PMFBP1: variants seen among roughly 807,000 people sequenced by gnomAD.
PMFBP1 encodes the protein polyamine modulated factor 1 binding protein 1.
PMFBP1 carries 131 observed loss-of-function variants against 137.8 expected under a neutral mutation model. The ratio of observed to expected loss-of-function variants is 0.95; its 90% CI spans 0.82 to 1.10. PMFBP1 has a LOEUF of 1.10. PMFBP1 is among the 50% of genes least tolerant of loss of function. PMFBP1 has a pLI of 0.00. For missense variants in PMFBP1, 1,199 were observed against 1,175.4 expected (o/e 1.02, Z -0.29); for synonymous variants, 490 against 450.4 (o/e 1.09, Z -1.11).
intron 5 of PMFBP1, among the ~76,000 whole-genome samples, chr16:72,141,631 CTTG>C (rs2042724304): frequency 6.6e-6 from 1 of 152,024 alleles, no homozygotes; most frequent in Non-Finnish European, 1.5e-5. Flanking sequence ...GTGCTTCTAT[CTTG>C]TTCTTTTAAA....
At chr16:72,154,061 A>T in intron 4 of PMFBP1, 150 bp downstream of exon 4, 4 of 1,078,176 alleles carry the variant, frequency 3.7e-6, no homozygotes, top group Non-Finnish European at 5.3e-6. Context: ...AGCTTCAAAA[A>T]GATCAAGAAT....
chr16:72,197,445 G>T, the PMFBP1 span, among the ~76,000 whole-genome samples: 1 of 152,232 alleles, frequency 6.6e-6, no homozygotes, highest in African/African-American at 2.4e-5. Context: ...AAGCCAGCAG[G>T]CATATACACA....
chr16:72,136,645 T>A (rs1302006527), intron 8 of PMFBP1, 40 bp from the exon 9 acceptor site: 4 of 1,613,484 alleles, frequency 2.5e-6, no homozygotes, highest in East Asian at 2.2e-5. Flanking sequence ...CAGGGGAGAG[T>A]TAGGCTTCCT....
chr16:72,215,411 A>G, the PMFBP1 span, among the ~76,000 whole-genome samples: 1 of 151,030 alleles, frequency 6.6e-6, no homozygotes, highest in East Asian at 1.9e-4. Flanking sequence ...AATAGCCATT[A>G]GTCTGACAGC....
At chr16:72,170,355 T>G (rs938547733) in intron 2 of PMFBP1, among the ~76,000 whole-genome samples, 1 of 152,224 alleles carries the variant, frequency 6.6e-6, no homozygotes, top group Middle Eastern at 3.4e-3. Flanking sequence ...ATATGGTACA[T>G]GGGACAATCC....
At chr16:72,133,522 T>G (rs1456805676) in intron 9 of PMFBP1, among the ~76,000 whole-genome samples, 1 of 151,924 alleles carries the variant, frequency 6.6e-6, no homozygotes, top group African/African-American at 2.4e-5. Flanking sequence ...GCACTCTCAC[T>G]CTGTTGCTCA....
chr16:72,140,707 G>T, intron 5 of PMFBP1, 125 bp from the exon 6 acceptor site: 5 of 922,376 alleles, frequency 5.4e-6, no homozygotes, highest in East Asian at 2.5e-5. Flanking sequence ...GGAAATCATG[G>T]TTTCCTTAAC....
the PMFBP1 span, among the ~76,000 whole-genome samples, chr16:72,213,595 C>T: frequency 6.6e-6 from 1 of 152,210 alleles, no homozygotes; most frequent in Non-Finnish European, 1.5e-5. Context: ...CTAGCTGACA[C>T]CTTAATCGCA....
intron 9 of PMFBP1, 93 bp from the exon 10 acceptor site, chr16:72,133,084 G>A (rs1419836848): frequency 1.3e-6 from 2 of 1,484,476 alleles, no homozygotes; most frequent in African/African-American, 2.8e-5. Flanking sequence ...CCAAGCCACT[G>A]GCATCCCCTG....
chr16:72,212,294 A>G, the PMFBP1 span, among the ~76,000 whole-genome samples: 2 of 152,168 alleles, frequency 1.3e-5, no homozygotes, highest in Non-Finnish European at 2.9e-5. Flanking sequence ...CCACATCTTC[A>G]AGAAAATCTC....
chr16:72,174,657 A>G (rs544728725), upstream of PMFBP1, among the ~76,000 whole-genome samples: 2 of 152,380 alleles, frequency 1.3e-5, no homozygotes, highest in East Asian at 3.8e-4. Context: ...GGGAGGCCTC[A>G]GGAAACTTAC....
chr16:72,162,410 A>G (rs189102049), intron 3 of PMFBP1, among the ~76,000 whole-genome samples: 1 of 152,172 alleles, frequency 6.6e-6, no homozygotes, highest in Admixed American at 6.5e-5. Context: ...TCCTTTTGTT[A>G]TACATAACAG....
At chr16:72,206,902 G>T in the PMFBP1 span, among the ~76,000 whole-genome samples, 15 of 152,268 alleles carry the variant, frequency 9.9e-5, no homozygotes, top group South Asian at 3.1e-3. Context: ...GTAGAAAGGG[G>T]ATTTTAAATT....
At chr16:72,239,972 T>C in the PMFBP1 span, among the ~76,000 whole-genome samples, 3 of 151,492 alleles carry the variant, frequency 2.0e-5, no homozygotes, top group Non-Finnish European at 4.4e-5. Flanking sequence ...GGTTTAATAT[T>C]AAAATAGGAG....
At chr16:72,153,032 C>T (rs753119498) in intron 4 of PMFBP1, among the ~76,000 whole-genome samples, 12 of 152,106 alleles carry the variant, frequency 7.9e-5, no homozygotes, top group Non-Finnish European at 1.6e-4. Context: ...AAATATGACA[C>T]AGAAATCAAC....
the PMFBP1 span, among the ~76,000 whole-genome samples, chr16:72,225,816 T>C: frequency 6.6e-6 from 1 of 151,588 alleles, no homozygotes; most frequent in African/African-American, 2.4e-5. Context: ...CCATAGATGC[T>C]AGGTGTGTAG....
chr16:72,143,250 T>G (rs2042750019), intron 5 of PMFBP1, among the ~76,000 whole-genome samples: 1 of 152,292 alleles, frequency 6.6e-6, no homozygotes. Flanking sequence ...TTACTTCCTT[T>G]AAAATGAGGA....
chr16:72,137,395 A>T (rs1426637996), intron 7 of PMFBP1, among the ~76,000 whole-genome samples: 1 of 152,210 alleles, frequency 6.6e-6, no homozygotes, highest in Non-Finnish European at 1.5e-5. Context: ...GAAAATGTTA[A>T]CAGTGGATAA....
intron 4 of PMFBP1, among the ~76,000 whole-genome samples, chr16:72,153,309 G>A (rs2042930991): frequency 6.6e-6 from 1 of 152,140 alleles, no homozygotes; most frequent in Non-Finnish European, 1.5e-5. Context: ...TTTTTAAAAA[G>A]TCTATGGTCT....
Sources: allele counts gnomAD v4.1 joint callset (sites outside exome capture counted in the v4.1 genomes callset), GRCh38; gene constraint gnomAD v4.1.1; transcripts MANE v1.5; gene names NCBI Gene and HGNC (gene_info 2026-07-23, HGNC 2026-07-21).